The following TES variants were observed in gnomAD, a reference collection of about 807,000 sequenced individuals.
The protein encoded by TES is testin LIM domain protein.
TES carries 41 observed loss-of-function variants against 48.2 expected under a neutral mutation model. The observed-to-expected ratio is 0.85, with a 90% CI of 0.66 to 1.10. The LOEUF is 1.10. Among genes scored for constraint, TES ranks in the 50% least tolerant of loss-of-function variants. The pLI is 0.00. For missense variants in TES, 463 were observed against 515.1 expected, an observed-to-expected ratio of 0.90 and a Z score of 0.98; for synonymous variants, 162 against 174.9, an observed-to-expected ratio of 0.93 and a Z score of 0.58.
Position 116,252,419 on chromosome 7 carries a change from C to A in TES, c.1020C>A (p.Tyr340Ter). The A allele has an allele frequency of 6.2e-7, 1 of 1,614,164 alleles. No individual in the cohort carries two copies. Among genetic ancestry groups the A allele is most frequent in the Non-Finnish European group, 8.5e-7 (1 of 1,180,030 alleles). ...DCDSILAGEIYVMVNDKPVCK... is the reference protein window; with the variant it reads ...DCDSILAGEI Reference sequence around the variant, plus strand: ...ATAGCATTCTAGCTGGGGAGATATACGTGATGGTCAATGACAAGCCCGTGT... The same window carrying A: ...ATAGCATTCTAGCTGGGGAGATATAAGTGATGGTCAATGACAAGCCCGTGT... Residue 340 changes from tyrosine (Y) to a stop codon, truncating the protein, a stop_gained, in exon 6 of 7, where the codon TAC becomes TAA. Transcript: ENST00000358204. LOFTEE classifies it high-confidence loss of function.
chr7:116,232,875 T>TCTAA (rs1799719480), intron 1 of TES, among the ~76,000 whole-genome samples: 1 of 152,202 alleles, frequency 6.6e-6, no homozygotes. Context: ...CTTTATATGG[T>TCTAA]CTAACTTAAA....
chr7:116,221,267 G>T (rs1356253901), intron 1 of TES, among the ~76,000 whole-genome samples: 1 of 151,766 alleles, frequency 6.6e-6, no homozygotes, highest in South Asian at 2.1e-4. Context: ...TGTGCCAATC[G>T]CTATGCAAAG....
chr7:116,239,446 ATTTAT>A (rs1224627478), intron 2 of TES, among the ~76,000 whole-genome samples: 1 of 152,148 alleles, frequency 6.6e-6, no homozygotes, highest in Non-Finnish European at 1.5e-5. Flanking sequence ...TCCTCCTAAT[ATTTAT>A]TTTATTATGT....
At chr7:116,213,757 T>TGTTAGTGA (rs1799463970) in intron 1 of TES, among the ~76,000 whole-genome samples, 7 of 152,366 alleles carry the variant, frequency 4.6e-5, no homozygotes, top group African/African-American at 1.7e-4. Context: ...GAATTGATTC[T>TGTTAGTGA]ATGTCCTTGC....
At chr7:116,245,342 GC>G (rs1799907903) in intron 2 of TES, among the ~76,000 whole-genome samples, 1 of 152,000 alleles carries the variant, frequency 6.6e-6, no homozygotes, top group East Asian at 1.9e-4. Context: ...TTTTGCCCCT[GC>G]CTACAGATTC....
intron 1 of TES, among the ~76,000 whole-genome samples, chr7:116,227,969 C>A (rs1445300979): frequency 6.6e-6 from 1 of 151,732 alleles, no homozygotes; most frequent in Non-Finnish European, 1.5e-5. Flanking sequence ...TCAACTCAGA[C>A]CATGTTTGAA....
rs1800123081 is a variant in TES, at chr7:116,257,698, T to C, written c.*216T>C. On this transcript the variant is annotated 3_prime_UTR_variant, in exon 7 of 7. Transcript: ENST00000358204. ...AGCATTTGATTTGTAAAACAGTAAA[T>C]AATTGTATCTTTCCATAGCTTTTCA... The C allele has an allele frequency of 2.4e-6, 1 of 423,366 alleles. No individual in the cohort carries two copies. Among genetic ancestry groups the C allele is most frequent in the Non-Finnish European group, 4.2e-6 (1 of 239,046 alleles). The allele number at this position is 423,366 out of a possible 1,614,324, so 26.2% of individuals were successfully genotyped here. A position where few individuals can be genotyped will look rare whatever the true frequency, so the allele number is the denominator to read the frequency against.
intron 2 of TES, among the ~76,000 whole-genome samples, chr7:116,237,500 G>A (rs1799786752): frequency 6.6e-6 from 1 of 151,912 alleles, no homozygotes; most frequent in Non-Finnish European, 1.5e-5. Flanking sequence ...AGCACTCTAT[G>A]ATCCAAGTGC....
intron 1 of TES, among the ~76,000 whole-genome samples, chr7:116,216,678 AT>A (rs1251800374): frequency 1.3e-5 from 2 of 151,984 alleles, no homozygotes; most frequent in African/African-American, 2.4e-5. Flanking sequence ...GAACCAAATA[AT>A]TTTTTTCCAC....
chr7:116,247,496 G>T (rs1799942634), intron 2 of TES, among the ~76,000 whole-genome samples: 1 of 151,466 alleles, frequency 6.6e-6, no homozygotes, highest in South Asian at 2.1e-4. Flanking sequence ...CTTTAAGTGT[G>T]CACTTTTTAA....
At chr7:116,236,470 A>G (rs1799773156) in intron 2 of TES, among the ~76,000 whole-genome samples, 1 of 152,220 alleles carries the variant, frequency 6.6e-6, no homozygotes. Context: ...AATTAATTTT[A>G]TGTTTAAACT....
In TES at chr7:116,227,010, A is replaced by G. The variant is rs114723595; in HGVS notation, c.28-7524A>G. 3.3e-3 allele frequency among the ~76,000 whole-genome samples: 506 copies of G among 152,320 alleles called. 3 individuals carry two copies. The highest frequency in any genetic ancestry group is 0.012 in the African/African-American group (481 of 41,572). On this transcript the variant is annotated intron_variant, in intron 1 of 6. Transcript: ENST00000358204. ...ACACTAGTTCTTTGTATTCTTACCT[A>G]AGAAAGTTGGCAAACTAATAAAATG...
chr7:116,225,855 G>A (rs1008180468), intron 1 of TES, among the ~76,000 whole-genome samples: 1 of 152,120 alleles, frequency 6.6e-6, no homozygotes, highest in Non-Finnish European at 1.5e-5. Flanking sequence ...TTCTTTATCA[G>A]GGCGTTCCAT....
chr7:116,252,428 C>A lies in TES; in HGVS notation c.1029C>A (p.Val343=), dbSNP rs564502876. 17 of 1,614,166 alleles carry A rather than the reference C, an allele frequency of 1.1e-5. No individual in the cohort carries two copies. The highest frequency in any genetic ancestry group is 9.3e-5 in the African/African-American group (7 of 75,050). Residue 343 remains valine (V), a synonymous_variant, in exon 6 of 7, where the codon GTC becomes GTA. Transcript: ENST00000358204. ...TAGCTGGGGAGATATACGTGATGGT[C>A]AATGACAAGCCCGTGTGCAAGCCCT... is the stretch of plus-strand genomic sequence containing the variant. ...SILAGEIYVM[V]NDKPVCKPCY...
intron 1 of TES, among the ~76,000 whole-genome samples, chr7:116,231,903 C>T (rs1235010856): frequency 6.6e-6 from 1 of 151,898 alleles, no homozygotes; most frequent in East Asian, 1.9e-4. Context: ...ATGACCTTGG[C>T]CAAGAGGTGG....
At chr7:116,211,727 A>C (rs1021829111) in intron 1 of TES, among the ~76,000 whole-genome samples, 1 of 152,240 alleles carries the variant, frequency 6.6e-6, no homozygotes, top group Non-Finnish European at 1.5e-5. Flanking sequence ...TCTCATACTC[A>C]TGGTTCCTAA....
At position 116,225,342 on chromosome 7, in the gene TES, G is replaced by A. The variant is rs917699445; in HGVS notation, c.28-9192G>A. Among the ~76,000 whole-genome samples, 4 of 152,002 alleles carry A rather than the reference G, an allele frequency of 2.6e-5. No individual in the cohort carries two copies. The South Asian group carries it at 8.3e-4, about 32-fold the overall frequency. On this transcript the variant is annotated intron_variant, in intron 1 of 6. Coordinates refer to ENST00000358204, the MANE Select transcript of TES (RefSeq NM_015641.4). Reference sequence around the variant, plus strand: ...CATCTCAAACTCAAGTAGAGAAATTGTCTTGATGACAATACCTTTGTCATT... The same window carrying A: ...CATCTCAAACTCAAGTAGAGAAATTATCTTGATGACAATACCTTTGTCATT...
At chr7:116,251,596 C>T (rs566513568) in intron 4 of TES, 164 bp from the exon 5 acceptor site, 86 of 643,474 alleles carry the variant, frequency 1.3e-4, no homozygotes, top group Non-Finnish European at 1.9e-4. Flanking sequence ...GGCAGGAGAA[C>T]GGCGTGAACC....
chr7:116,253,744 A>G (rs1800053005), intron 6 of TES, among the ~76,000 whole-genome samples: 1 of 151,882 alleles, frequency 6.6e-6, no homozygotes, highest in African/African-American at 2.4e-5. Context: ...TTATTCCTTT[A>G]GATTCAGTTT....
Sources: gnomAD v4.1 joint callset for allele counts (sites outside exome capture counted in the v4.1 genomes callset) on GRCh38, gnomAD v4.1.1 for gene constraint, MANE v1.5 for transcripts, NCBI Gene and HGNC (gene_info 2026-07-23, HGNC 2026-07-21) for gene names.